The following PSPC1 variants were observed in gnomAD, a reference collection of about 807,000 sequenced individuals.
The protein encoded by PSPC1 is paraspeckle protein 1.
A neutral mutation model predicts 51.6 loss-of-function variants in PSPC1; 14 were observed. That is an observed-to-expected ratio of 0.27 (90% CI 0.18 to 0.42). The LOEUF (loss-of-function observed/expected upper bound fraction) is 0.42, where lower values mean the gene tolerates loss of function less well. PSPC1 is among the 10% of genes least tolerant of loss of function. PSPC1 has a pLI of 1.00. For synonymous variants in PSPC1, 193 were observed against 231.9 expected (o/e 0.83, Z 1.53); for missense variants, 406 against 701.1 (o/e 0.58, Z 4.75).
At chr13:19,732,660 G>C (rs113023451) in intron 5 of PSPC1, among the ~76,000 whole-genome samples, 2 of 152,288 alleles carry the variant, frequency 1.3e-5, no homozygotes, top group African/African-American at 4.8e-5. Context: ...GGGCGCGGTG[G>C]CTCACGCCTG....
intron 6 of PSPC1, among the ~76,000 whole-genome samples, chr13:19,724,492 T>C (rs1202781666): frequency 1.3e-5 from 2 of 152,144 alleles, no homozygotes; most frequent in Admixed American, 6.5e-5. Flanking sequence ...ACAGGCCAGA[T>C]TGGACAATAC....
At chr13:19,731,980 G>A (rs550000073) in intron 5 of PSPC1, among the ~76,000 whole-genome samples, 5 of 152,012 alleles carry the variant, frequency 3.3e-5, no homozygotes, top group Admixed American at 2.6e-4. Context: ...CTCTTATAAC[G>A]TACTTTTCCT....
At chr13:19,698,016 T>C (rs1879450296), downstream of PSPC1, among the ~76,000 whole-genome samples, 1 of 152,114 alleles carries the variant, frequency 6.6e-6, no homozygotes, top group East Asian at 1.9e-4. Flanking sequence ...CACAGGATTA[T>C]ATATTTACAT....
chr13:19,745,583 T>A (rs1340730550), intron 4 of PSPC1, among the ~76,000 whole-genome samples: 1 of 152,152 alleles, frequency 6.6e-6, no homozygotes, highest in Non-Finnish European at 1.5e-5. Context: ...GTTTTTATTT[T>A]ACCGCTGATC....
At chr13:19,745,796 T>C (rs1885914024) in intron 4 of PSPC1, among the ~76,000 whole-genome samples, 1 of 151,982 alleles carries the variant, frequency 6.6e-6, no homozygotes, top group Admixed American at 6.6e-5. Context: ...ATTTTTCGTA[T>C]TTCCAATAGA....
chr13:19,752,222 GTTAA>G (rs1886628917), intron 3 of PSPC1, among the ~76,000 whole-genome samples: 1 of 152,136 alleles, frequency 6.6e-6, no homozygotes, highest in African/African-American at 2.4e-5. Flanking sequence ...TACCATTGTA[GTTAA>G]TTATTTATTA....
intron 6 of PSPC1, among the ~76,000 whole-genome samples, chr13:19,718,807 T>C (rs190535049): frequency 3.8e-3 from 573 of 152,310 alleles, no homozygotes; most frequent in Middle Eastern, 6.8e-3. Context: ...AAATGAGCTA[T>C]CAACCCATGA....
intron 6 of PSPC1, among the ~76,000 whole-genome samples, chr13:19,682,486 C>CAAAAAAAAAAAAAAAAAAAAAAAAA (rs138769031): frequency 1.0e-5 from 1 of 98,630 alleles, no homozygotes; most frequent in African/African-American, 3.9e-5. Context: ...GGCTGAATGG[C>CAAAAAAAAAAAAAAAAAAAAAAAAA]AAAAAAAAAA....
intron 2 of PSPC1, among the ~76,000 whole-genome samples, chr13:19,768,385 C>T (rs920114637): frequency 1.3e-5 from 2 of 152,008 alleles, no homozygotes; most frequent in East Asian, 1.9e-4. Context: ...TGGTGGCTCA[C>T]GCCTGTAATC....
intron 3 of PSPC1, among the ~76,000 whole-genome samples, chr13:19,752,423 CATATAT>C (rs1437105898): frequency 1.3e-5 from 2 of 151,794 alleles, no homozygotes; most frequent in African/African-American, 4.8e-5. Flanking sequence ...TTCATATATA[CATATAT>C]ATGTAAATAT....
At chr13:19,689,600 G>GA (rs982927434) in intron 6 of PSPC1, among the ~76,000 whole-genome samples, 4 of 152,064 alleles carry the variant, frequency 2.6e-5, no homozygotes, top group South Asian at 4.1e-4. Flanking sequence ...AAGAAGAGAA[G>GA]AAAAAAACAA....
chr13:19,759,263 A>G, intron 3 of PSPC1, 60 bp downstream of exon 3: 3 of 1,323,564 alleles, frequency 2.3e-6, no homozygotes, highest in Non-Finnish European at 3.3e-6. Context: ...ATATTTGAAA[A>G]CAAATGTAAT....
intron 2 of PSPC1, among the ~76,000 whole-genome samples, chr13:19,759,800 T>C (rs938455840): frequency 1.3e-5 from 2 of 148,300 alleles, no homozygotes; most frequent in African/African-American, 2.5e-5. Context: ...AGGCAGAGGT[T>C]GAAGTGAGTC....
intron 5 of PSPC1, among the ~76,000 whole-genome samples, chr13:19,739,257 T>C (rs541428606): frequency 6.6e-6 from 1 of 152,358 alleles, no homozygotes; most frequent in Admixed American, 6.5e-5. Flanking sequence ...ATTAGGTTAA[T>C]TTCTTGTATT....
chr13:19,697,205 CTAG>C (rs1174541616), intron 6 of PSPC1, among the ~76,000 whole-genome samples: 2 of 152,128 alleles, frequency 1.3e-5, no homozygotes, highest in Admixed American at 1.3e-4. Flanking sequence ...TAGGAACTTA[CTAG>C]AAATGAACGT....
intron 6 of PSPC1, among the ~76,000 whole-genome samples, chr13:19,686,503 A>C (rs1252474848): frequency 6.6e-6 from 1 of 152,208 alleles, no homozygotes; most frequent in African/African-American, 2.4e-5. Flanking sequence ...ACATCTATGA[A>C]TACAGAAACT....
intron 5 of PSPC1, among the ~76,000 whole-genome samples, chr13:19,738,494 TAC>T (rs1215280107): frequency 6.6e-6 from 1 of 152,208 alleles, no homozygotes. Flanking sequence ...CAGCACTGTT[TAC>T]AGAGAACGAC....
intron 3 of PSPC1, among the ~76,000 whole-genome samples, chr13:19,758,841 CAAAAA>C (rs76319591): frequency 2.3e-5 from 3 of 133,194 alleles, no homozygotes; most frequent in African/African-American, 8.4e-5. Flanking sequence ...ATCTCAAAAA[CAAAAA>C]AAAAAAAAGT....
intron 1 of PSPC1, among the ~76,000 whole-genome samples, chr13:19,780,269 T>C (rs1237503733): frequency 7.1e-6 from 1 of 140,688 alleles, no homozygotes; most frequent in African/African-American, 2.6e-5. Context: ...TACTGGGAAG[T>C]GAGGAGCCCC....
Sources: allele counts gnomAD v4.1 joint callset (sites outside exome capture counted in the v4.1 genomes callset), GRCh38; gene constraint gnomAD v4.1.1; transcripts MANE v1.5; gene names NCBI Gene and HGNC (gene_info 2026-07-23, HGNC 2026-07-21).